Variants in C11orf21 observed in about 807,000 individuals in gnomAD.
C11orf21 encodes the protein uncharacterized protein C11orf21.
Under a neutral mutation model 15.2 loss-of-function variants are expected in C11orf21, and 19 were observed. That is an observed-to-expected ratio of 1.25 (90% CI 0.87 to 1.84). C11orf21 has a LOEUF of 1.84. Among genes scored for constraint, C11orf21 ranks in the 40% most tolerant of loss-of-function variants. C11orf21 has a pLI of 0.00. For missense variants in C11orf21, 171 were observed against 174.4 expected (o/e 0.98, Z 0.11); for synonymous variants, 62 against 66.8 (o/e 0.93, Z 0.35).
chr11:2,301,861 TGTCTTCCTGGGAAG>T lies in C11orf21; in HGVS notation c.-67_-54del, dbSNP rs1434411740. The T allele has an allele frequency of 1.9e-6, 3 of 1,550,092 alleles. No homozygotes were observed. The South Asian group carries it at 3.6e-5, about 18-fold the overall frequency. On this transcript the variant is annotated 5_prime_UTR_variant, in exon 1 of 4. Transcript: ENST00000381153. Reference sequence around the variant, plus strand: ...AGTGGCCACACCAAGAACGAGGCCATGTCTTCCTGGGAAGGGCCTCAGATGTCAGCAAATGCCCT... The same window carrying T: ...AGTGGCCACACCAAGAACGAGGCCATGGCCTCAGATGTCAGCAAATGCCCT...
In C11orf21 at chr11:2,301,753, C is replaced by G; in HGVS notation, c.53+3G>C. The G allele has an allele frequency of 6.5e-7, 1 of 1,544,856 alleles. No homozygotes were observed. ...TTGCTCACTCCCAGGACGGGGAGCT[C>G]ACCTCCTCCTCCCCGGGCGCCGTCT... On this transcript the variant is annotated splice_donor_region_variant and intron_variant, in intron 1 of 3. Transcript: ENST00000381153.
intron 3 of C11orf21, among the ~76,000 whole-genome samples, chr11:2,298,291 C>A (rs1847576975): frequency 6.6e-6 from 1 of 152,210 alleles, no homozygotes; most frequent in South Asian, 2.1e-4. Flanking sequence ...GCATCGGGGT[C>A]TGGCCTGAAA....
rs1014077645 is a variant in C11orf21 at position 2,296,259 on chromosome 11, A to T, written c.*1691T>A. Reference sequence around the variant, plus strand: ...GCTTCCACCTGGCCTTTCCCAGCATAGTAGCCCCCACCCTCAGGTCAGGGA... The same window carrying T: ...GCTTCCACCTGGCCTTTCCCAGCATTGTAGCCCCCACCCTCAGGTCAGGGA... On this transcript the variant is annotated 3_prime_UTR_variant, in exon 4 of 4. Coordinates refer to ENST00000381153, the MANE Select transcript of C11orf21 (RefSeq NM_001329958.2). This position sits in a 1 kb window ranked among gnomAD's most constrained non-coding sequence, Gnocchi z 5.6. The T allele has an allele frequency of 6.6e-6, 1 of 152,144 alleles. No individual in the cohort carries two copies. The highest frequency in any genetic ancestry group is 1.5e-5 in the Non-Finnish European group (1 of 68,044). 9.4% of individuals were successfully genotyped at this position (152,144 alleles called of 1,614,324 possible).
chr11:2,299,895 C>A (rs527957476), intron 2 of C11orf21, among the ~76,000 whole-genome samples, 188 bp from the exon 3 acceptor site: 2 of 151,528 alleles, frequency 1.3e-5, no homozygotes, highest in Admixed American at 1.3e-4. Flanking sequence ...CAATCTCTTC[C>A]CTGGAAATAA....
At chr11:2,302,913 C>T (rs559404880), upstream of C11orf21, 258 of 1,613,722 alleles carry the variant, frequency 1.6e-4, no homozygotes, top group South Asian at 2.6e-3. Context: ...TGTCATCCGC[C>T]GAGCGTCCCT....
chr11:2,303,002 T>C (rs761225342), upstream of C11orf21: 3 of 1,557,638 alleles, frequency 1.9e-6, no homozygotes, highest in South Asian at 3.4e-5. Context: ...GGGCCTCGGG[T>C]GCAAGGGTGG....
At position 2,299,567 on chromosome 11, in the gene C11orf21, A is replaced by G; in HGVS notation, c.288T>C (p.Pro96=). 2 of 1,550,820 alleles carry G rather than the reference A, an allele frequency of 1.3e-6. No homozygotes were observed. Among genetic ancestry groups the G allele is most frequent in the East Asian group, 2.4e-5 (1 of 40,904 alleles). The change falls in exon 3 of 4, where the codon CCT becomes CCC. Residue 96 remains proline (P), a synonymous_variant. Transcript: ENST00000381153. The stretch of plus-strand genomic sequence containing the variant: ...GCCGGATAGCCAGGGGCAACTGCCC[A>G]GGTAAACTGAGACAGCAGCAGCAGG... ...WLACCCCLSL[P]GQLPLAIRLG... is the part of the protein sequence containing the mutation.
upstream of C11orf21, chr11:2,301,968 C>G (rs734095): frequency 0.11 from 167,647 of 1,489,934 alleles, 9,938 homozygotes; most frequent in African/African-American, 0.15. Context: ...CTGCCCCTCC[C>G]CTTCCTGCCT....
chr11:2,300,532 G>C lies in C11orf21; in HGVS notation c.135C>G (p.Pro45=). 6.5e-7 allele frequency: 1 copy of C among 1,548,082 alleles called. No individual in the cohort carries two copies. The highest frequency in any genetic ancestry group is 8.7e-7 in the Non-Finnish European group (1 of 1,145,984). The change falls in exon 2 of 4, where the codon CCC becomes CCG. Residue 45 remains proline, a synonymous_variant. Transcript: ENST00000381153. ...PDRWTGTPGW[P]SRDQEAPGSM... ...GCTGTGGTCAGACCTGGTCTCTGGA[G>C]GGCCAGCCGGGGGTTCCCGTCCACC...
chr11:2,300,469 C>T (rs1009278084), intron 2 of C11orf21, 51 bp downstream of exon 2: 12 of 1,238,290 alleles, frequency 9.7e-6, no homozygotes, highest in African/African-American at 3.1e-5. Context: ...GGGGTTCCAC[C>T]GGCTCCCTGC....
chr11:2,301,484 C>A (rs2133275430), intron 1 of C11orf21: 1 of 385,330 alleles, frequency 2.6e-6, no homozygotes, highest in South Asian at 4.8e-5. Context: ...ACAAAGCCTC[C>A]CCCTGGAGGC....
intron 2 of C11orf21, among the ~76,000 whole-genome samples, chr11:2,299,975 G>A (rs978384066): frequency 6.6e-6 from 1 of 150,392 alleles, no homozygotes; most frequent in Non-Finnish European, 1.5e-5. Context: ...TGGGGTAGGG[G>A]TGGGGGCAGC....
rs765973115 is a variant in C11orf21 at position 2,295,936 on chromosome 11, A to G, written c.*2014T>C. On this transcript the variant is annotated 3_prime_UTR_variant, in exon 4 of 4. Coordinates refer to ENST00000381153, the MANE Select transcript of C11orf21 (RefSeq NM_001329958.2). The surrounding 1 kb of genome is among the most constrained non-coding windows in gnomAD (Gnocchi z 5.4). ...TAAAAATTAAAGCTTTCACCAGATC[A>G]ATGGCTGTAGACCAGGTGTCCGGGG... 6.6e-6 allele frequency: 1 copy of G among 152,210 alleles called. No homozygotes were observed. Among genetic ancestry groups the G allele is most frequent in the Non-Finnish European group, 1.5e-5 (1 of 68,040 alleles). 9.4% of individuals were successfully genotyped at this position (152,210 alleles called of 1,614,324 possible). A position where few individuals can be genotyped will look rare whatever the true frequency, so the allele number is the denominator to read the frequency against.
At chr11:2,299,769 G>A in intron 2 of C11orf21, 62 bp from the exon 3 acceptor site, 14 of 1,540,352 alleles carry the variant, frequency 9.1e-6, no homozygotes, top group Non-Finnish European at 1.2e-5. Context: ...TTCACAGGAA[G>A]GAGAGAGGAA....
chr11:2,300,131 G>T (rs1381455379), intron 2 of C11orf21, among the ~76,000 whole-genome samples: 1 of 76,054 alleles, frequency 1.3e-5, no homozygotes, highest in African/African-American at 5.3e-5. Flanking sequence ...GGTGTGTGGG[G>T]TGGGCAGGGG....
chr11:2,300,660 G>C (rs1299664813), intron 1 of C11orf21, 47 bp from the exon 2 acceptor site: 1 of 1,549,944 alleles, frequency 6.5e-7, no homozygotes, highest in Non-Finnish European at 8.7e-7. Context: ...ACCCAGGCCC[G>C]CCCTGCTCCG....
chr11:2,299,023 C>T (rs1847603410), intron 3 of C11orf21, among the ~76,000 whole-genome samples: 2 of 152,156 alleles, frequency 1.3e-5, no homozygotes, highest in Admixed American at 1.3e-4. Flanking sequence ...GAGCAGTGCC[C>T]AGAGCCCAGA....
Position 2,300,578 on chromosome 11 carries a change from CTT to C in C11orf21, c.87_88del (p.Ser30TrpfsTer6), listed in dbSNP as rs866206244. 1 of 1,550,100 alleles carries C rather than the reference CTT, an allele frequency of 6.5e-7. No homozygotes were observed. Among genetic ancestry groups the C allele is most frequent in the African/African-American group, 1.4e-5 (1 of 73,084 alleles). ...CCACCTGTCAGGGGGTTCGACGCCA[CTT>C]TGAGATGACAAGTGAGGCCACCTGG... On this transcript the variant is annotated frameshift_variant, in exon 2 of 4. Coordinates refer to ENST00000381153, the MANE Select transcript of C11orf21 (RefSeq NM_001329958.2). LOFTEE classifies it high-confidence loss of function.
chr11:2,301,997 C>A (rs759677357), upstream of C11orf21: 1 of 1,499,784 alleles, frequency 6.7e-7, no homozygotes, highest in Non-Finnish European at 8.9e-7. Context: ...TCCGGGGCAC[C>A]CAGCAGCTCG....
Sources: allele counts gnomAD v4.1 joint callset (sites outside exome capture counted in the v4.1 genomes callset), GRCh38; gene constraint gnomAD v4.1.1; non-coding constraint Gnocchi (gnomAD v3.1); transcripts MANE v1.5; gene names NCBI Gene and HGNC (gene_info 2026-07-23, HGNC 2026-07-21).